HEMGN: variants seen among roughly 807,000 people sequenced by gnomAD.
HEMGN encodes the protein erythroid differentiation-associated gene protein.
In HEMGN, 32 loss-of-function variants were observed where a neutral mutation model predicts 45.7. The observed-to-expected ratio is 0.70, with a 90% confidence interval of 0.53 to 0.94. The LOEUF (loss-of-function observed/expected upper bound fraction) is 0.94, where lower values mean the gene tolerates loss of function less well. Ranked by LOEUF, HEMGN falls within the 40% of genes least tolerant of loss-of-function variation. The probability of loss-of-function intolerance (pLI) is 0.00; values close to 1 mark genes in which losing one functional copy is unlikely to be tolerated. For missense variants in HEMGN, 530 were observed against 564.2 expected, an observed-to-expected ratio of 0.94 and a Z score of 0.61; for synonymous variants, 183 against 178.6, an observed-to-expected ratio of 1.02 and a Z score of -0.20.
intron 2 of HEMGN, among the ~76,000 whole-genome samples, chr9:97,933,995 CAT>C (rs1338975014): frequency 6.6e-6 from 1 of 152,150 alleles, no homozygotes; most frequent in African/African-American, 2.4e-5. Flanking sequence ...AGGAGACTGA[CAT>C]ATAAACCTAA....
chr9:97,929,479 A>G (rs148420164), intron 3 of HEMGN, among the ~76,000 whole-genome samples: 1 of 152,332 alleles, frequency 6.6e-6, no homozygotes, highest in African/African-American at 2.4e-5. Context: ...AAATTAAAGA[A>G]AGGTTGCATT....
At chr9:97,941,621 T>C (rs145400429), upstream of HEMGN, among the ~76,000 whole-genome samples, 1 of 152,278 alleles carries the variant, frequency 6.6e-6, no homozygotes, top group Non-Finnish European at 1.5e-5. Context: ...AGAATCAAGA[T>C]AAAGATTTGT....
upstream of HEMGN, among the ~76,000 whole-genome samples, chr9:97,939,088 C>T (rs369133950): frequency 1.3e-5 from 2 of 152,138 alleles, no homozygotes; most frequent in African/African-American, 4.8e-5. Context: ...TACAGGAAGC[C>T]AGTCTGGGAG....
chr9:97,937,968 T>G, intron 1 of HEMGN, 90 bp downstream of exon 1: 1 of 621,596 alleles, frequency 1.6e-6, no homozygotes, highest in East Asian at 3.0e-5. Flanking sequence ...TCCTTTTTTT[T>G]TTTTTTTGGC....
chr9:97,937,596 C>G (rs150228719), intron 1 of HEMGN, among the ~76,000 whole-genome samples: 4 of 151,828 alleles, frequency 2.6e-5, no homozygotes, highest in Admixed American at 6.6e-5. Flanking sequence ...TATTCCCTTT[C>G]TAGTCTTATA....
upstream of HEMGN, among the ~76,000 whole-genome samples, chr9:97,942,108 C>T (rs1470831729): frequency 1.3e-5 from 2 of 152,132 alleles, no homozygotes; most frequent in East Asian, 3.9e-4. Context: ...ACAAGTGTTT[C>T]ATTGGATCCT....
At chr9:97,942,459 A>AT (rs201988020), upstream of HEMGN, among the ~76,000 whole-genome samples, 592 of 150,784 alleles carry the variant, frequency 3.9e-3, no homozygotes, top group Non-Finnish European at 6.7e-3. Flanking sequence ...AATTTTTTGT[A>AT]TTTTTTTTGT....
intron 3 of HEMGN, among the ~76,000 whole-genome samples, chr9:97,927,851 A>T (rs1019775037): frequency 5.3e-5 from 8 of 152,114 alleles, no homozygotes; most frequent in African/African-American, 1.4e-4. Context: ...AAAAAGAAAT[A>T]AAAAATGTTG....
intron 1 of HEMGN, 51 bp downstream of exon 1, chr9:97,938,007 T>A: frequency 7.1e-6 from 7 of 983,002 alleles, no homozygotes; most frequent in Non-Finnish European, 9.4e-6. Flanking sequence ...AAAATTATCA[T>A]ACCCCGAATT....
At chr9:97,937,273 A>G (rs929612527) in intron 1 of HEMGN, among the ~76,000 whole-genome samples, 4 of 152,066 alleles carry the variant, frequency 2.6e-5, no homozygotes, top group Admixed American at 6.6e-5. Flanking sequence ...GGTTTGTTAC[A>G]TAGGTATACA....
At chr9:97,928,578 A>G (rs1229959362) in intron 3 of HEMGN, among the ~76,000 whole-genome samples, 1 of 152,194 alleles carries the variant, frequency 6.6e-6, no homozygotes, top group Non-Finnish European at 1.5e-5. Flanking sequence ...CCATTTCCTT[A>G]TATTTAGAAT....
At chr9:97,929,305 A>G (rs1826898048) in intron 3 of HEMGN, among the ~76,000 whole-genome samples, 1 of 152,172 alleles carries the variant, frequency 6.6e-6, no homozygotes, top group African/African-American at 2.4e-5. Flanking sequence ...TTTTTGTTGC[A>G]CTCATCTTTT....
intron 1 of HEMGN, among the ~76,000 whole-genome samples, chr9:97,943,576 A>G (rs1005935137): frequency 2.0e-5 from 3 of 152,166 alleles, no homozygotes; most frequent in Non-Finnish European, 4.4e-5. Flanking sequence ...CCTCCTCTGG[A>G]ATCCTCCCAC....
At chr9:97,942,732 A>C (rs1421543964), upstream of HEMGN, among the ~76,000 whole-genome samples, 2 of 152,178 alleles carry the variant, frequency 1.3e-5, no homozygotes. Flanking sequence ...AGGAGGGAGG[A>C]AACACATTGC....
intron 3 of HEMGN, among the ~76,000 whole-genome samples, chr9:97,927,903 A>G (rs919887813): frequency 1.4e-4 from 21 of 152,108 alleles, no homozygotes; most frequent in Non-Finnish European, 2.8e-4. Flanking sequence ...AAAAAATTAT[A>G]TTTATAATAA....
At chr9:97,943,360 A>G (rs577714459) in intron 1 of HEMGN, among the ~76,000 whole-genome samples, 3 of 152,312 alleles carry the variant, frequency 2.0e-5, no homozygotes, top group South Asian at 4.1e-4. Context: ...AAAGCTTTTA[A>G]ATACTTTTCA....
chr9:97,928,322 G>T (rs1370682320), intron 3 of HEMGN, among the ~76,000 whole-genome samples: 1 of 152,104 alleles, frequency 6.6e-6, no homozygotes, highest in Non-Finnish European at 1.5e-5. Context: ...CACCGCGCCC[G>T]GCCGATCAAG....
At chr9:97,941,327 G>A (rs1827149473), upstream of HEMGN, among the ~76,000 whole-genome samples, 1 of 152,038 alleles carries the variant, frequency 6.6e-6, no homozygotes, top group South Asian at 2.1e-4. Context: ...TAAGGAGGTG[G>A]GATCAGAGAA....
intron 2 of HEMGN, among the ~76,000 whole-genome samples, chr9:97,932,573 A>G (rs1826975212): frequency 6.6e-6 from 1 of 152,216 alleles, no homozygotes; most frequent in African/African-American, 2.4e-5. Context: ...TGGGAGGCCG[A>G]GGCTGGTGGA....
Sources: allele counts gnomAD v4.1 joint callset (sites outside exome capture counted in the v4.1 genomes callset), GRCh38; gene constraint gnomAD v4.1.1; transcripts MANE v1.5; gene names NCBI Gene and HGNC (gene_info 2026-07-23, HGNC 2026-07-21).